NKAIN2: variants seen among roughly 807,000 people sequenced by gnomAD.
NKAIN2 encodes the protein sodium/potassium-transporting ATPase subunit beta-1-interacting protein 2.
NKAIN2 carries 14 observed loss-of-function variants against 32.6 expected under a neutral mutation model. That is an observed-to-expected ratio of 0.43 (90% CI 0.28 to 0.67). NKAIN2 has a LOEUF of 0.67. Ranked by LOEUF, NKAIN2 falls within the 30% of genes least tolerant of loss-of-function variation. NKAIN2 has a pLI of 0.17. For synonymous variants in NKAIN2, 80 were observed against 87.2 expected, an observed-to-expected ratio of 0.92 and a Z score of 0.46; for missense variants, 198 against 258.3, an observed-to-expected ratio of 0.77 and a Z score of 1.60.
intron 4 of NKAIN2, among the ~76,000 whole-genome samples, chr6:124,670,364 T>A (rs1484621009): frequency 1.3e-5 from 2 of 152,062 alleles, no homozygotes; most frequent in Non-Finnish European, 2.9e-5. Context: ...AACATTGGAA[T>A]TTTCAAGAGT....
At chr6:123,863,920 T>C (rs558949831) in intron 1 of NKAIN2, among the ~76,000 whole-genome samples, 1 of 152,226 alleles carries the variant, frequency 6.6e-6, no homozygotes, top group African/African-American at 2.4e-5. Context: ...TCATGGAAGG[T>C]ATACTTAATG....
chr6:124,451,991 T>G (rs1296835184), intron 3 of NKAIN2, among the ~76,000 whole-genome samples: 1 of 152,028 alleles, frequency 6.6e-6, no homozygotes, highest in Non-Finnish European at 1.5e-5. Context: ...GTCCAGGAGT[T>G]TGAGACCAGC....
At chr6:124,442,424 G>A (rs1021655626) in intron 3 of NKAIN2, among the ~76,000 whole-genome samples, 3 of 152,032 alleles carry the variant, frequency 2.0e-5, no homozygotes, top group South Asian at 2.1e-4. Flanking sequence ...AAGCTTGAAC[G>A]TTTTCTTCTT....
At chr6:123,970,772 C>T (rs897100075) in intron 1 of NKAIN2, among the ~76,000 whole-genome samples, 3 of 151,914 alleles carry the variant, frequency 2.0e-5, no homozygotes, top group African/African-American at 7.3e-5. Flanking sequence ...ATCGCAGCTA[C>T]TTAGGAGGCT....
intron 4 of NKAIN2, among the ~76,000 whole-genome samples, chr6:124,707,227 A>G (rs1775134932): frequency 6.6e-6 from 1 of 152,064 alleles, no homozygotes; most frequent in African/African-American, 2.4e-5. Flanking sequence ...CATTTTCTTA[A>G]TCCAGTCTAT....
intron 1 of NKAIN2, among the ~76,000 whole-genome samples, chr6:124,093,741 TA>T (rs1257923342): frequency 2.0e-5 from 3 of 152,064 alleles, no homozygotes; most frequent in Non-Finnish European, 4.4e-5. Context: ...CACTAAAGAA[TA>T]GGGACTTACA....
intron 3 of NKAIN2, among the ~76,000 whole-genome samples, chr6:124,370,776 A>G (rs1211742872): frequency 2.0e-5 from 3 of 152,118 alleles, no homozygotes; most frequent in Non-Finnish European, 4.4e-5. Context: ...AACCAATAGC[A>G]CACAAGCAGG....
At position 124,658,192 on chromosome 6, in the gene NKAIN2, G is replaced by C. The variant is rs1217109239; in HGVS notation, c.280G>C (p.Asp94His). 6.3e-7 allele frequency: 1 copy of C among 1,599,434 alleles called. No homozygotes were observed. The highest frequency in any genetic ancestry group is 8.5e-7 in the Non-Finnish European group (1 of 1,171,354). ...GTAAATTGCCTTCTTGCAGGAAACA[G>C]ACCTTATCCTGACTTTTAATATATC... ...LEAGDLSKET[D>H]LILTFNISMH... Residue 94 changes from aspartate (D) to histidine (H), a missense_variant, in exon 4 of 7, where the codon GAC becomes CAC. Coordinates refer to ENST00000368417, the MANE Select transcript of NKAIN2 (RefSeq NM_001040214.3).
chr6:124,421,197 C>T (rs1774735322), intron 3 of NKAIN2, among the ~76,000 whole-genome samples: 1 of 152,008 alleles, frequency 6.6e-6, no homozygotes, highest in Non-Finnish European at 1.5e-5. Context: ...CCACTTCTCC[C>T]CACTGCTATT....
intron 5 of NKAIN2, among the ~76,000 whole-genome samples, chr6:124,792,773 T>C (rs1029937838): frequency 1.3e-5 from 2 of 152,022 alleles, no homozygotes; most frequent in African/African-American, 4.8e-5. Flanking sequence ...CACGGCCAGA[T>C]TAATGTGACT....
intron 1 of NKAIN2, among the ~76,000 whole-genome samples, chr6:124,099,180 A>G (rs1204493220): frequency 6.6e-6 from 1 of 152,210 alleles, no homozygotes; most frequent in Non-Finnish European, 1.5e-5. Context: ...TTTTATGGTT[A>G]TAGGAATAAG....
chr6:124,498,998 G>C (rs1457488125), intron 3 of NKAIN2, among the ~76,000 whole-genome samples: 1 of 151,990 alleles, frequency 6.6e-6, no homozygotes, highest in Non-Finnish European at 1.5e-5. Context: ...AAACTCCTGA[G>C]CTCAAGTGAT....
intron 3 of NKAIN2, among the ~76,000 whole-genome samples, chr6:124,568,765 A>T (rs1479390787): frequency 6.7e-6 from 1 of 150,324 alleles, no homozygotes; most frequent in Non-Finnish European, 1.5e-5. Flanking sequence ...AAAATGAGGA[A>T]AAAAGACTCT....
At chr6:124,129,182 G>GA (rs2115002559) in intron 1 of NKAIN2, among the ~76,000 whole-genome samples, 1 of 152,020 alleles carries the variant, frequency 6.6e-6, no homozygotes, top group East Asian at 1.9e-4. Context: ...TTGTGTTTTT[G>GA]TATGTTGTAG....
intron 2 of NKAIN2, among the ~76,000 whole-genome samples, chr6:124,303,391 C>A (rs1252309050): frequency 2.0e-5 from 3 of 151,804 alleles, no homozygotes; most frequent in African/African-American, 7.3e-5. Context: ...ACAGGTAGAT[C>A]TCTACACTGT....
At chr6:124,221,167 C>T (rs2114695634) in intron 1 of NKAIN2, among the ~76,000 whole-genome samples, 1 of 151,758 alleles carries the variant, frequency 6.6e-6, no homozygotes, top group Non-Finnish European at 1.5e-5. Flanking sequence ...AAATGTCCAA[C>T]AATGATAGAC....
chr6:123,929,895 G>A (rs1290359946), intron 1 of NKAIN2, among the ~76,000 whole-genome samples: 1 of 151,976 alleles, frequency 6.6e-6, no homozygotes, highest in Non-Finnish European at 1.5e-5. Flanking sequence ...CATCATGTGG[G>A]CACTCAAAAA....
intron 1 of NKAIN2, among the ~76,000 whole-genome samples, chr6:123,833,691 CTGTGTGTG>C (rs59906355): frequency 1.2e-4 from 16 of 129,570 alleles, no homozygotes; most frequent in South Asian, 5.2e-4. Context: ...ATTTTTTTTC[CTGTGTGTG>C]TGTGTGTGTG....
intron 1 of NKAIN2, among the ~76,000 whole-genome samples, chr6:124,127,645 A>C (rs544661793): frequency 6.6e-6 from 1 of 152,252 alleles, no homozygotes; most frequent in South Asian, 2.1e-4. Flanking sequence ...AAGCCTGGGC[A>C]CATCCAAACT....
Sources: allele counts gnomAD v4.1 joint callset (sites outside exome capture counted in the v4.1 genomes callset), GRCh38; gene constraint gnomAD v4.1.1; transcripts MANE v1.5; gene names NCBI Gene and HGNC (gene_info 2026-07-23, HGNC 2026-07-21).